The following LLGL2 variants were observed in gnomAD, a reference collection of about 807,000 sequenced individuals.
LLGL2 encodes the protein LLGL scribble cell polarity complex component 2.
A neutral mutation model predicts 123.2 loss-of-function variants in LLGL2; 81 were observed. The observed-to-expected ratio is 0.66, with a 90% CI of 0.55 to 0.79. The LOEUF is 0.79. LLGL2 is among the 30% of genes least tolerant of loss of function. The pLI is 0.00. For synonymous variants in LLGL2, 577 were observed against 594.1 expected (o/e 0.97, Z 0.42); for missense variants, 1,273 against 1,414.6 (o/e 0.90, Z 1.61).
chr17:75,556,447 T>A (rs2054919455), intron 3 of LLGL2, among the ~76,000 whole-genome samples: 1 of 152,156 alleles, frequency 6.6e-6, no homozygotes, highest in Non-Finnish European at 1.5e-5. Flanking sequence ...TCAGGACCCT[T>A]CATGTGGTCT....
At chr17:75,569,399 A>G in intron 14 of LLGL2, 74 bp downstream of exon 14, 5 of 1,219,576 alleles carry the variant, frequency 4.1e-6, no homozygotes, top group Non-Finnish European at 6.0e-6. Flanking sequence ...ACAGGAGCCA[A>G]CCACCTGCCT....
intron 2 of LLGL2, among the ~76,000 whole-genome samples, chr17:75,550,518 C>T (rs1319260368): frequency 6.6e-6 from 1 of 152,100 alleles, no homozygotes; most frequent in Non-Finnish European, 1.5e-5. Flanking sequence ...GGCGCGGTGG[C>T]TTACACCTGT....
In LLGL2 at chr17:75,536,565, G is replaced by A. The variant is rs369863506; in HGVS notation, c.-30-6832G>A. ...GAGGAGCCCACGCCTGGTGAGCACC[G>A]GAACATTCCACCAGCAGGACAGGGC... On this transcript the variant is annotated intron_variant, in intron 1 of 25. Transcript: ENST00000392550. Among the ~76,000 whole-genome samples the A allele has an allele frequency of 2.4e-4, 37 of 152,260 alleles. 1 individual carries two copies. The South Asian group carries it at 4.6e-3, about 19-fold the overall frequency.
chr17:75,554,225 C>G (rs1184442556), intron 2 of LLGL2, among the ~76,000 whole-genome samples: 1 of 148,642 alleles, frequency 6.7e-6, no homozygotes, highest in African/African-American at 2.5e-5. Flanking sequence ...TCACTTGAAC[C>G]TGGGAGGCAG....
chr17:75,559,240 T>C lies in LLGL2; in HGVS notation c.372-12T>C. 1.3e-6 allele frequency: 2 copies of C among 1,587,792 alleles called. No homozygotes were observed. Among genetic ancestry groups the C allele is most frequent in the South Asian group, 1.1e-5 (1 of 88,368 alleles). The stretch of plus-strand genomic sequence containing the variant: ...GCAGTGGTCGGCTCACGGGCAGCTG[T>C]TCTTGTCACAGGGCTGCCCCCAGTG... On this transcript the variant is annotated splice_polypyrimidine_tract_variant and intron_variant, in intron 5 of 25. Coordinates refer to ENST00000392550, the MANE Select transcript of LLGL2 (RefSeq NM_001031803.2). This position sits in a 1 kb window ranked among gnomAD's most constrained non-coding sequence, Gnocchi z 4.6.
At chr17:75,551,253 C>T (rs1413524329) in intron 2 of LLGL2, among the ~76,000 whole-genome samples, 1 of 152,162 alleles carries the variant, frequency 6.6e-6, no homozygotes, top group Admixed American at 6.6e-5. Flanking sequence ...CGGAAGGAAG[C>T]AGAGGCCTGT....
chr17:75,571,434 A>C, intron 17 of LLGL2: 1 of 589,046 alleles, frequency 1.7e-6, no homozygotes, highest in Non-Finnish European at 3.0e-6. Context: ...CGGGGACAGC[A>C]GAGCCTGCTG....
rs559932405 is a variant in LLGL2, at chr17:75,571,590, G to A, written c.2177-77G>A. 8.0e-5 allele frequency: 86 copies of A among 1,079,268 alleles called. No individual in the cohort carries two copies. The African/African-American group carries it at 1.2e-3, about 15-fold the overall frequency. The allele number at this position is 1,079,268 out of a possible 1,614,324, so 66.9% of individuals were successfully genotyped here. On this transcript the variant is annotated intron_variant, in intron 17 of 25. Transcript: ENST00000392550. ...CAGCCTCTCCCAGGAGGGAAAACCT[G>A]GGAGTAAACCCTGGTTGCCCAGCTC...
chr17:75,543,298 T>G, intron 1 of LLGL2, 99 bp from the exon 2 acceptor site: 3 of 773,300 alleles, frequency 3.9e-6, no homozygotes, highest in Non-Finnish European at 6.1e-6. Context: ...GGCAGCCTAC[T>G]GGACTTGGAG....
chr17:75,532,053 T>TACACACAC lies in LLGL2; in HGVS notation c.-31+6229_-31+6230insCACACACA, dbSNP rs750743324. The stretch of plus-strand genomic sequence containing the variant: ...CTGTAATAAATTATATATATGTATA[T>TACACACAC]ATACACACACACACACACACACACT... On this transcript the variant is annotated intron_variant, in intron 1 of 25. Transcript: ENST00000392550. Among the ~76,000 whole-genome samples, 432 of 70,322 alleles carry TACACACAC rather than the reference T, an allele frequency of 6.1e-3. 3 individuals carry two copies. Among genetic ancestry groups the TACACACAC allele is most frequent in the African/African-American group, 0.016 (408 of 25,200 alleles). The allele number at this position is 70,322 out of a possible 152,430, so 46.1% of individuals were successfully genotyped here.
Position 75,571,978 on chromosome 17 carries a change from C to T in LLGL2, c.2374C>T (p.Pro792Ser), listed in dbSNP as rs763777264. The T allele has an allele frequency of 6.2e-7, 1 of 1,612,908 alleles. No homozygotes were observed. Among genetic ancestry groups the T allele is most frequent in the Admixed American group, 1.7e-5 (1 of 60,012 alleles). The change falls in exon 19 of 26, where the codon CCC (proline) becomes TCC (serine). Residue 792 changes from proline to serine, a missense_variant. By Grantham distance (74) the Pro-to-Ser change is moderately conservative. Transcript: ENST00000392550. ...CGGACACAGCGTACCCCTTCCCGAG[C>T]CCCTCGAAGTGGCCCATGATCTGTC... ...LDGHSVPLPE[P>S]LEVAHDLSKS...
At chr17:75,573,844 C>T in intron 21 of LLGL2, 108 bp from the exon 22 acceptor site, 1 of 1,393,138 alleles carries the variant, frequency 7.2e-7, no homozygotes, top group Non-Finnish European at 9.9e-7. Flanking sequence ...CCCAGGCTCT[C>T]CGGCTCAGGA....
At position 75,564,594 on chromosome 17, in the gene LLGL2, G is replaced by C; in HGVS notation, c.1036+87G>C. The C allele has an allele frequency of 6.4e-7, 1 of 1,573,204 alleles. No homozygotes were observed. Among genetic ancestry groups the C allele is most frequent in the East Asian group, 2.3e-5 (1 of 44,070 alleles). On this transcript the variant is annotated intron_variant, in intron 10 of 25. Transcript: ENST00000392550. This position sits in a 1 kb window ranked among gnomAD's most constrained non-coding sequence, Gnocchi z 4.9. Reference sequence around the variant, plus strand: ...CAGTAAAGACAGGGCCAGGTGCAGTGGCTCCTGCCTGTAACCCCAGTGCTG... The same window carrying C: ...CAGTAAAGACAGGGCCAGGTGCAGTCGCTCCTGCCTGTAACCCCAGTGCTG...
At chr17:75,573,816 G>A (rs2055845849) in intron 21 of LLGL2, 136 bp from the exon 22 acceptor site, 2 of 1,242,742 alleles carry the variant, frequency 1.6e-6, no homozygotes, top group East Asian at 2.5e-5. Flanking sequence ...GCAGTCCAGG[G>A]CAGGACTCAG....
In LLGL2 at chr17:75,563,005, C is replaced by G; in HGVS notation, c.531-11C>G. 6.2e-7 allele frequency: 1 copy of G among 1,610,538 alleles called. No individual in the cohort carries two copies. Among genetic ancestry groups the G allele is most frequent in the Non-Finnish European group, 8.5e-7 (1 of 1,179,950 alleles). On this transcript the variant is annotated splice_polypyrimidine_tract_variant and intron_variant, in intron 6 of 25. Coordinates refer to ENST00000392550, the MANE Select transcript of LLGL2 (RefSeq NM_001031803.2). ...ACGGCATCGGAGGCTCACGGCACTC[C>G]CCTCGCCCAGGTTGCCAGAGGAGGC...
At chr17:75,548,578 T>C (rs1303087658) in intron 2 of LLGL2, among the ~76,000 whole-genome samples, 1 of 151,878 alleles carries the variant, frequency 6.6e-6, no homozygotes, top group Admixed American at 6.6e-5. Flanking sequence ...GGCAGGTAGA[T>C]CACCTGAGGT....
At chr17:75,554,999 A>G (rs1203317493) in intron 2 of LLGL2, among the ~76,000 whole-genome samples, 3 of 151,502 alleles carry the variant, frequency 2.0e-5, no homozygotes, top group Non-Finnish European at 4.4e-5. Context: ...AGACACGGTG[A>G]AACCTGTCTC....
At chr17:75,528,204 C>T (rs949750626) in intron 1 of LLGL2, among the ~76,000 whole-genome samples, 3 of 152,232 alleles carry the variant, frequency 2.0e-5, no homozygotes, top group Admixed American at 6.5e-5. Flanking sequence ...CAAGCTCCTC[C>T]TCCTGGGTTC....
chr17:75,530,041 C>G (rs2053719782), intron 1 of LLGL2, among the ~76,000 whole-genome samples: 1 of 152,168 alleles, frequency 6.6e-6, no homozygotes, highest in South Asian at 2.1e-4. Flanking sequence ...GTGTGGCCTG[C>G]CACACAGCAG....
Sources: gnomAD v4.1 joint callset for allele counts (sites outside exome capture counted in the v4.1 genomes callset) on GRCh38, gnomAD v4.1.1 for gene constraint, Gnocchi (gnomAD v3.1) non-coding constraint, MANE v1.5 for transcripts, NCBI Gene and HGNC (gene_info 2026-07-23, HGNC 2026-07-21) for gene names.